The following IFIH1 variants were observed in gnomAD, a reference collection of about 807,000 sequenced individuals.
The protein encoded by IFIH1 is interferon induced with helicase C domain 1.
IFIH1 carries 125 observed loss-of-function variants against 107.4 expected under a neutral mutation model. That is an observed-to-expected ratio of 1.16 (90% CI 1.01 to 1.35). The LOEUF (loss-of-function observed/expected upper bound fraction) is 1.35, where lower values mean the gene tolerates loss of function less well. Ranked by LOEUF, IFIH1 falls within the 40% of genes most tolerant of loss-of-function variation. The pLI is 0.00. For synonymous variants in IFIH1, 458 were observed against 413.2 expected, an observed-to-expected ratio of 1.11 and a Z score of -1.31; for missense variants, 1,333 against 1,213.7, an observed-to-expected ratio of 1.10 and a Z score of -1.46.
At chr2:162,303,347 C>T (rs1290645109) in intron 3 of IFIH1, among the ~76,000 whole-genome samples, 1 of 152,152 alleles carries the variant, frequency 6.6e-6, no homozygotes, top group Non-Finnish European at 1.5e-5. Context: ...AACTCCTGGC[C>T]TCAGGTGATC....
In IFIH1 at chr2:162,272,230, T is replaced by C. The variant is rs1161849062; in HGVS notation, c.2612A>G (p.His871Arg). 6.2e-7 allele frequency: 1 copy of C among 1,610,064 alleles called. No homozygotes were observed. Among genetic ancestry groups the C allele is most frequent in the African/African-American group, 1.3e-5 (1 of 74,804 alleles). ...TTCAGAGGTGACCAACAATACCTTA[T>C]GAGCATACTCCTCTGGTTTCATATT... ...VQNMKPEEYAHKILELQMQSI... is the reference protein window; with the variant it reads ...VQNMKPEEYARKILELQMQSI... The change falls in exon 13 of 16, where the codon CAT becomes CGT. Residue 871 changes from histidine to arginine, a missense_variant. Physicochemically the swap from His to Arg is conservative, Grantham distance 29. Transcript: ENST00000649979.
At position 162,268,202 on chromosome 2, in the gene IFIH1, T is replaced by G. The variant is rs1559809082; in HGVS notation, c.2692A>C (p.Asn898His). 6.2e-7 allele frequency: 1 copy of G among 1,613,072 alleles called. No individual in the cohort carries two copies. ...AGGAAAGTTATTAGTGATGGGTTATTCTTGTAATGCTTGGCAATATTTCTC... is the reference window on the plus strand; with the variant it reads ...AGGAAAGTTATTAGTGATGGGTTATGCTTGTAATGCTTGGCAATATTTCTC... ...TKRNIAKHYK[N>H]NPSLITFLCK... is the part of the protein sequence containing the mutation. Residue 898 changes from asparagine (N) to histidine (H), a missense_variant, in exon 14 of 16, where the codon AAT (asparagine) becomes CAT (histidine). Coordinates refer to ENST00000649979, the MANE Select transcript of IFIH1 (RefSeq NM_022168.4).
chr2:162,267,915 G>C (rs1184124738), intron 14 of IFIH1, among the ~76,000 whole-genome samples, 172 bp downstream of exon 14: 4 of 152,194 alleles, frequency 2.6e-5, no homozygotes, highest in Non-Finnish European at 5.9e-5. Context: ...TCCTGCCCCA[G>C]TGCAGTTTAT....
intron 3 of IFIH1, among the ~76,000 whole-genome samples, chr2:162,299,963 T>C (rs1431845659): frequency 6.6e-6 from 1 of 152,192 alleles, no homozygotes; most frequent in African/African-American, 2.4e-5. Context: ...TCCAGCATAG[T>C]GCTCTCAAGG....
intron 5 of IFIH1, among the ~76,000 whole-genome samples, chr2:162,284,301 T>C (rs1172323207): frequency 2.0e-5 from 3 of 151,918 alleles, no homozygotes; most frequent in African/African-American, 7.2e-5. Flanking sequence ...AGAGACAGCA[T>C]GATGCAGAGG....
At chr2:162,277,809 A>T in intron 9 of IFIH1, 116 bp from the exon 10 acceptor site, 4 of 1,270,324 alleles carry the variant, frequency 3.1e-6, no homozygotes, top group Non-Finnish European at 4.2e-6. Context: ...TGGTTTTAAA[A>T]TGGGCAAGTT....
At chr2:162,309,307 A>C (rs1304626522) in intron 2 of IFIH1, among the ~76,000 whole-genome samples, 5 of 152,192 alleles carry the variant, frequency 3.3e-5, no homozygotes, top group African/African-American at 4.8e-5. Context: ...GACACTAGGC[A>C]GGGTCATCCT....
chr2:162,273,145 G>A (rs1400215620), intron 12 of IFIH1, among the ~76,000 whole-genome samples: 2 of 152,006 alleles, frequency 1.3e-5, no homozygotes, highest in South Asian at 2.1e-4. Context: ...AATCCCTTTA[G>A]TTAATTTTAT....
intron 6 of IFIH1, 123 bp from the exon 7 acceptor site, chr2:162,281,668 C>A: frequency 1.6e-6 from 1 of 642,030 alleles, no homozygotes; most frequent in Non-Finnish European, 2.7e-6. Context: ...CAAGAGCAGT[C>A]CACTTTCAGT....
At chr2:162,281,262 G>A in intron 7 of IFIH1, 66 bp downstream of exon 7, 1 of 1,249,118 alleles carries the variant, frequency 8.0e-7, no homozygotes, top group Non-Finnish European at 1.1e-6. Flanking sequence ...TATTTAATAA[G>A]ACCAAGAAGT....
chr2:162,291,562 C>T (rs6730036), intron 4 of IFIH1, among the ~76,000 whole-genome samples: 13,952 of 151,506 alleles, frequency 0.092, 2,187 homozygotes, highest in African/African-American at 0.32. Context: ...GTAATCATGT[C>T]TACTATGGCA....
rs748813106 is a variant in IFIH1, at chr2:162,276,947, C to T, written c.2045-1G>A. The T allele has an allele frequency of 6.2e-5, 99 of 1,591,564 alleles. No individual in the cohort carries two copies. Among genetic ancestry groups the T allele is most frequent in the Non-Finnish European group, 7.9e-5 (92 of 1,171,240 alleles). On this transcript the variant is annotated splice_acceptor_variant, in intron 10 of 15. Coordinates refer to ENST00000649979, the MANE Select transcript of IFIH1 (RefSeq NM_022168.4). LOFTEE classifies it high-confidence loss of function. ...AGCCTTTTCAACATTTTATTGTTTT[C>T]TTTAAGAAATAATTAGAGTTGATAT...
intron 4 of IFIH1, 68 bp from the exon 5 acceptor site, chr2:162,288,423 C>T (rs1284765070): frequency 1.1e-5 from 13 of 1,148,740 alleles, no homozygotes. Flanking sequence ...AAGCCTGAAA[C>T]TGAACGTAGG....
chr2:162,283,206 CG>C, intron 5 of IFIH1, among the ~76,000 whole-genome samples: 1 of 151,770 alleles, frequency 6.6e-6, no homozygotes, highest in East Asian at 2.0e-4. Context: ...CCCACAGGAC[CG>C]GAAGAATCAG....
At chr2:162,314,416 T>TTTCCTTTCC in intron 1 of IFIH1, among the ~76,000 whole-genome samples, 1 of 51,468 alleles carries the variant, frequency 1.9e-5, no homozygotes, top group Middle Eastern at 9.3e-3. Context: ...TCTTTCTTTC[T>TTTCCTTTCC]TTTCTTTCTT....
intron 3 of IFIH1, among the ~76,000 whole-genome samples, chr2:162,302,039 A>G (rs1214242275): frequency 1.3e-5 from 2 of 152,184 alleles, no homozygotes; most frequent in Non-Finnish European, 2.9e-5. Flanking sequence ...AAGGACACAT[A>G]TCAACCCGCA....
At chr2:162,302,170 A>G (rs866838116) in intron 3 of IFIH1, among the ~76,000 whole-genome samples, 1 of 152,276 alleles carries the variant, frequency 6.6e-6, no homozygotes. Context: ...ACTGTTACTG[A>G]TGGTAGTGTG....
At chr2:162,295,114 A>C (rs746049817) in intron 3 of IFIH1, among the ~76,000 whole-genome samples, 3 of 151,990 alleles carry the variant, frequency 2.0e-5, no homozygotes, top group Non-Finnish European at 2.9e-5. Flanking sequence ...ACAGTTACGC[A>C]ACTACCATCA....
chr2:162,314,719 A>G (rs1315901333), intron 1 of IFIH1, among the ~76,000 whole-genome samples: 1 of 151,998 alleles, frequency 6.6e-6, no homozygotes, highest in Non-Finnish European at 1.5e-5. Context: ...CCATCTCCTG[A>G]CCTCGAGAGC....
Sources: gnomAD v4.1 joint callset for allele counts (sites outside exome capture counted in the v4.1 genomes callset) on GRCh38, gnomAD v4.1.1 for gene constraint, MANE v1.5 for transcripts, NCBI Gene and HGNC (gene_info 2026-07-23, HGNC 2026-07-21) for gene names.